Variants in SEMA4D observed in about 807,000 individuals in gnomAD.
SEMA4D encodes the protein semaphorin 4D, also known as semaphorin-4D.
A neutral mutation model predicts 74.8 loss-of-function variants in SEMA4D; 22 were observed. That is an observed-to-expected ratio of 0.29 (90% CI 0.21 to 0.42). The LOEUF is 0.42. Ranked by LOEUF, SEMA4D falls within the 10% of genes least tolerant of loss-of-function variation. SEMA4D has a pLI of 1.00. For synonymous variants in SEMA4D, 445 were observed against 463.7 expected, an observed-to-expected ratio of 0.96 and a Z score of 0.52; for missense variants, 937 against 1,118.4, an observed-to-expected ratio of 0.84 and a Z score of 2.31.
intron 1 of SEMA4D, among the ~76,000 whole-genome samples, chr9:89,497,661 A>G (rs1826139418): frequency 1.3e-5 from 2 of 149,960 alleles, no homozygotes; most frequent in Non-Finnish European, 3.0e-5. Context: ...GGGATAGCAG[A>G]GAGGTCCAGG....
intron 6 of SEMA4D, among the ~76,000 whole-genome samples, chr9:89,394,810 C>T (rs1020045456): frequency 4.6e-5 from 7 of 152,196 alleles, no homozygotes; most frequent in African/African-American, 7.2e-5. Context: ...AAGGAGGTTT[C>T]GGGGCTGTTG....
intron 16 of SEMA4D, among the ~76,000 whole-genome samples, chr9:89,370,407 G>C (rs902733035): frequency 6.6e-6 from 1 of 151,562 alleles, no homozygotes; most frequent in Admixed American, 6.6e-5. Context: ...CGTGTGGTGT[G>C]TGTGGTGTGT....
intron 1 of SEMA4D, among the ~76,000 whole-genome samples, chr9:89,478,401 A>C (rs536904554): frequency 2.6e-5 from 4 of 152,180 alleles, no homozygotes; most frequent in Non-Finnish European, 4.4e-5. Flanking sequence ...AAGAGGGAAG[A>C]AGCAGGACGG....
At chr9:89,380,472 C>T (rs537054266) in intron 15 of SEMA4D, among the ~76,000 whole-genome samples, 4 of 152,348 alleles carry the variant, frequency 2.6e-5, no homozygotes, top group Admixed American at 6.5e-5. Context: ...GCTGGGACTA[C>T]AGGCGTGTAC....
chr9:89,450,551 G>A, intron 2 of SEMA4D: 1 of 1,078,896 alleles, frequency 9.3e-7, no homozygotes, highest in Non-Finnish European at 1.4e-6. Flanking sequence ...ATGGCCCCAT[G>A]CAGATAACCA....
At chr9:89,436,426 C>T (rs1023024722) in intron 2 of SEMA4D, 4 of 152,456 alleles carry the variant, frequency 2.6e-5, no homozygotes, top group Non-Finnish European at 2.9e-5. Flanking sequence ...CCCATCCTCA[C>T]GCAGGGCCTC....
chr9:89,364,112 C>A, intron 16 of SEMA4D: 2 of 1,457,582 alleles, frequency 1.4e-6, no homozygotes, highest in Non-Finnish European at 9.2e-7. Flanking sequence ...GGTGGCTTCC[C>A]CATGGCCAGC....
intron 13 of SEMA4D, chr9:89,385,966 C>T (rs966848781): frequency 5.1e-6 from 5 of 984,106 alleles, no homozygotes; most frequent in Non-Finnish European, 4.8e-6. Flanking sequence ...AGACGAACCA[C>T]TTCTCTTGTG....
At chr9:89,493,945 T>C (rs930394731) in intron 1 of SEMA4D, among the ~76,000 whole-genome samples, 2 of 152,196 alleles carry the variant, frequency 1.3e-5, no homozygotes, top group African/African-American at 4.8e-5. Flanking sequence ...TGTGGCTGGA[T>C]TGTACTATTA....
intron 2 of SEMA4D, among the ~76,000 whole-genome samples, chr9:89,420,536 G>A (rs1409497628): frequency 1.3e-5 from 2 of 152,308 alleles, no homozygotes; most frequent in South Asian, 2.1e-4. Context: ...GGGCTCCAAC[G>A]CCCAGGCCTT....
chr9:89,490,596 G>A (rs1054505392), intron 1 of SEMA4D, among the ~76,000 whole-genome samples: 1 of 152,172 alleles, frequency 6.6e-6, no homozygotes, highest in African/African-American at 2.4e-5. Flanking sequence ...TAAGTGTTCT[G>A]TGCACGCTGA....
Position 89,461,703 on chromosome 9 carries a change from T to C in SEMA4D, c.-309-5750A>G, listed in dbSNP as rs913645306. The stretch of plus-strand genomic sequence containing the variant: ...CCAATGTGTATTTCTTTTTTCTCTT[T>C]TTTTTTTTTTTTTTTTGGAGACAGA... On this transcript the variant is annotated intron_variant, in intron 1 of 15. Transcript: ENST00000422704. 1.8e-4 allele frequency among the ~76,000 whole-genome samples: 22 copies of C among 122,244 alleles called. 1 individual carries two copies. In the Middle Eastern group the frequency reaches 0.012, roughly 66 times the overall value. The allele number at this position is 122,244 out of a possible 152,430, so 80.2% of individuals were successfully genotyped here.
intron 13 of SEMA4D, among the ~76,000 whole-genome samples, chr9:89,382,642 A>T (rs1837394662): frequency 6.6e-6 from 1 of 152,236 alleles, no homozygotes; most frequent in African/African-American, 2.4e-5. Flanking sequence ...CGTTTGTGGG[A>T]AGGATTGAGG....
chr9:89,402,978 T>C lies in SEMA4D; in HGVS notation c.145A>G (p.Asn49Asp). The C allele has an allele frequency of 6.2e-7, 1 of 1,613,250 alleles. No individual in the cohort carries two copies. Among genetic ancestry groups the C allele is most frequent in the Non-Finnish European group, 8.5e-7 (1 of 1,179,186 alleles). ...LVQFHEPDIY[N>D]YSALLLSEDK... is the part of the protein sequence containing the mutation. ...TCGCTCAGCAGCAAGGCTGAGTAGT[T>C]GTAGATGTCTGGCTCATGAAACTGC... The change falls in exon 4 of 16, where the codon AAC (asparagine) becomes GAC (aspartate). Residue 49 changes from asparagine to aspartate, a missense_variant. Transcript: ENST00000422704.
chr9:89,427,102 G>A (rs1257013453), intron 2 of SEMA4D, among the ~76,000 whole-genome samples: 1 of 152,158 alleles, frequency 6.6e-6, no homozygotes, highest in Non-Finnish European at 1.5e-5. Flanking sequence ...TTGGGTCAGA[G>A]GTAGATACAC....
chr9:89,363,865 ATCGG>A lies in SEMA4D; in HGVS notation c.1964_1967del (p.Pro655LeufsTer39), dbSNP rs758644837. ...GCCAGCTGAGTGCATGGGCCCTGCC[ATCGG>A]GCAGTGCATGGGTCTGCACAGGGAC... On this transcript the variant is annotated frameshift_variant, in exon 17 of 19. Transcript: ENST00000339861. LOFTEE classifies it high-confidence loss of function. 6.2e-7 allele frequency: 1 copy of A among 1,614,118 alleles called. No individual in the cohort carries two copies. Among genetic ancestry groups the A allele is most frequent in the African/African-American group, 1.3e-5 (1 of 75,072 alleles).
intron 1 of SEMA4D, among the ~76,000 whole-genome samples, chr9:89,476,165 G>A (rs1449540532): frequency 6.6e-6 from 1 of 152,186 alleles, no homozygotes; most frequent in Non-Finnish European, 1.5e-5. Context: ...GATGATCTCT[G>A]GGCAAGAATA....
At chr9:89,396,591 A>G (rs1429313269) in intron 6 of SEMA4D, 146 bp downstream of exon 6, 5 of 701,468 alleles carry the variant, frequency 7.1e-6, no homozygotes, top group Non-Finnish European at 1.2e-5. Flanking sequence ...GAGGGGCCAC[A>G]AGCTGCCCCC....
intron 2 of SEMA4D, chr9:89,449,625 T>TG (rs1474464549): frequency 9.5e-5 from 114 of 1,205,178 alleles, no homozygotes; most frequent in African/African-American, 1.5e-4. Flanking sequence ...AACTATAAGA[T>TG]GGGGGGGTGA....
Sources: gnomAD v4.1 joint callset for allele counts (sites outside exome capture counted in the v4.1 genomes callset) on GRCh38, gnomAD v4.1.1 for gene constraint, MANE v1.5 for transcripts, NCBI Gene and HGNC (gene_info 2026-07-23, HGNC 2026-07-21) for gene names.